The following CAND1 variants were observed in gnomAD, a reference collection of about 807,000 sequenced individuals.
CAND1 encodes the protein cullin associated and neddylation dissociated 1, also known as cullin-associated NEDD8-dissociated protein 1.
Under a neutral mutation model 108.5 loss-of-function variants are expected in CAND1, and 7 were observed. The ratio of observed to expected loss-of-function variants is 0.06; its 90% CI spans 0.04 to 0.12. CAND1 has a LOEUF of 0.12. Ranked by LOEUF, CAND1 falls within the 10% of genes least tolerant of loss-of-function variation. The pLI, the probability that CAND1 is intolerant of heterozygous loss-of-function variation, is 1.00. For missense variants in CAND1, 941 were observed against 1,448.7 expected, an observed-to-expected ratio of 0.65 and a Z score of 5.69; for synonymous variants, 534 against 512.0, an observed-to-expected ratio of 1.04 and a Z score of -0.58.
chr12:67,313,928 C>T lies in CAND1; in HGVS notation c.*1098C>T, dbSNP rs931033265. 3 of 152,502 alleles carry T rather than the reference C, an allele frequency of 2.0e-5. No homozygotes were observed. Among genetic ancestry groups the T allele is most frequent in the Non-Finnish European group, 4.4e-5 (3 of 68,008 alleles). 9.4% of individuals were successfully genotyped at this position (152,502 alleles called of 1,614,324 possible). Reference sequence around the variant, plus strand: ...AGGTTTTTCCCCATCTCCTGTAGAGCGAATTTACATATTGTATTGGGTAAG... The same window carrying T: ...AGGTTTTTCCCCATCTCCTGTAGAGTGAATTTACATATTGTATTGGGTAAG... On this transcript the variant is annotated 3_prime_UTR_variant, in exon 15 of 15. Coordinates refer to ENST00000545606, the MANE Select transcript of CAND1 (RefSeq NM_018448.5).
rs1383800514 is a variant in CAND1 at position 67,302,477 on chromosome 12, G to A, written c.1155G>A (p.Glu385=). The change falls in exon 8 of 15, where the codon GAG becomes GAA. Residue 385 remains glutamate, a synonymous_variant. Transcript: ENST00000545606. ...VSPALISRFK[E]REENVKADVF... ...CTGCACTAATATCCAGATTTAAAGA[G>A]CGTGAAGAGAATGTAAAGGCAGATG... 1 of 1,614,124 alleles carries A rather than the reference G, an allele frequency of 6.2e-7. No homozygotes were observed. The highest frequency in any genetic ancestry group is 8.5e-7 in the Non-Finnish European group (1 of 1,179,994).
At chr12:67,269,886 G>A in intron 1 of CAND1, 101 bp downstream of exon 1, 1 of 973,318 alleles carries the variant, frequency 1.0e-6, no homozygotes, top group Non-Finnish European at 1.5e-6. Flanking sequence ...GTAGCCGGTA[G>A]CTTCTCTGCC....
chr12:67,284,655 C>T (rs2044651257), intron 2 of CAND1, among the ~76,000 whole-genome samples: 1 of 117,104 alleles, frequency 8.5e-6, no homozygotes, highest in South Asian at 2.9e-4. Context: ...CCAGGTAAAA[C>T]ATGTAACAAC....
At chr12:67,277,645 G>C (rs1333775137) in intron 1 of CAND1, among the ~76,000 whole-genome samples, 1 of 152,198 alleles carries the variant, frequency 6.6e-6, no homozygotes, top group East Asian at 1.9e-4. Flanking sequence ...TGCCACCACA[G>C]CTGGGAATGT....
Position 67,310,257 on chromosome 12 carries a change from G to C in CAND1, c.3301G>C (p.Asp1101His). 1 of 1,611,332 alleles carries C rather than the reference G, an allele frequency of 6.2e-7. No individual in the cohort carries two copies. The highest frequency in any genetic ancestry group is 8.5e-7 in the Non-Finnish European group (1 of 1,177,854). ...TCTAGACAGTTGTCTTGATAGACTT[G>C]ATATCTTTGAATTTCTAAATCATGT... ...TLLDSCLDRLDIFEFLNHVED... is the reference protein window; with the variant it reads ...TLLDSCLDRLHIFEFLNHVED... Residue 1101 changes from aspartate (D) to histidine (H), a missense_variant, in exon 13 of 15, where the codon GAT (aspartate) becomes CAT (histidine). Physicochemically the swap from Asp to His is moderately conservative, Grantham distance 81 (BLOSUM62 -1). Coordinates refer to ENST00000545606, the MANE Select transcript of CAND1 (RefSeq NM_018448.5).
chr12:67,297,279 C>G (rs1284901288), intron 4 of CAND1, 128 bp from the exon 5 acceptor site: 18 of 870,492 alleles, frequency 2.1e-5, no homozygotes, highest in Non-Finnish European at 3.2e-5. Flanking sequence ...TTTTCTTTCA[C>G]TATGAATTAG....
intron 10 of CAND1, among the ~76,000 whole-genome samples, chr12:67,306,990 C>T (rs1419624372): frequency 2.0e-5 from 3 of 152,034 alleles, no homozygotes; most frequent in Non-Finnish European, 4.4e-5. Flanking sequence ...TTCAGATTTA[C>T]CAGTGTCATC....
At position 67,269,650 on chromosome 12, in the gene CAND1, GGCGGCGGCGGCA is replaced by G; in HGVS notation, c.-62_-51del. On this transcript the variant is annotated 5_prime_UTR_variant, in exon 1 of 15. Transcript: ENST00000545606. ...CGAGAGGAGGAGCTCCAGTGGCGGCGGCGGCGGCGGCAGCGGCAGCGGGCAGCAGCTCCAGCA... is the reference window on the plus strand; with the variant it reads ...CGAGAGGAGGAGCTCCAGTGGCGGCGGCGGCAGCGGGCAGCAGCTCCAGCA... The G allele has an allele frequency of 7.1e-7, 1 of 1,400,890 alleles. No individual in the cohort carries two copies. Among genetic ancestry groups the G allele is most frequent in the Non-Finnish European group, 9.9e-7 (1 of 1,008,148 alleles). The allele number at this position is 1,400,890 out of a possible 1,614,324, so 86.8% of individuals were successfully genotyped here. A position where few individuals can be genotyped will look rare whatever the true frequency, so the allele number is the denominator to read the frequency against.
intron 1 of CAND1, among the ~76,000 whole-genome samples, chr12:67,281,569 T>C (rs1347297918): frequency 1.3e-5 from 2 of 152,124 alleles, no homozygotes; most frequent in African/African-American, 4.8e-5. Flanking sequence ...TGCAATTAAT[T>C]AGAATGAAAG....
Position 67,281,785 on chromosome 12 carries a change from G to C in CAND1, c.69-125G>C. ...TTATGATCACTTTTTTTAAAAAGTGGATGAGTTTTATAATAAAAGATGTTT... is the reference window on the plus strand; with the variant it reads ...TTATGATCACTTTTTTTAAAAAGTGCATGAGTTTTATAATAAAAGATGTTT... On this transcript the variant is annotated intron_variant, in intron 1 of 14. Transcript: ENST00000545606. 8.4e-6 allele frequency: 5 copies of C among 592,102 alleles called. No homozygotes were observed. In the South Asian group the frequency reaches 1.3e-4, roughly 16 times the overall value. 36.7% of individuals were successfully genotyped at this position (592,102 alleles called of 1,614,324 possible). A position where few individuals can be genotyped will look rare whatever the true frequency, so the allele number is the denominator to read the frequency against.
intron 2 of CAND1, among the ~76,000 whole-genome samples, chr12:67,287,914 T>C (rs574214391): frequency 6.6e-6 from 1 of 151,164 alleles, no homozygotes; most frequent in Non-Finnish European, 1.5e-5. Context: ...TTCCAAATAT[T>C]TGGAGGTTAT....
At chr12:67,272,498 A>G (rs2044529629) in intron 1 of CAND1, among the ~76,000 whole-genome samples, 1 of 152,226 alleles carries the variant, frequency 6.6e-6, no homozygotes, top group African/African-American at 2.4e-5. Flanking sequence ...AAATTTCTGC[A>G]TTTTAAAAGA....
intron 7 of CAND1, among the ~76,000 whole-genome samples, chr12:67,301,129 T>C (rs2044821210): frequency 6.6e-6 from 1 of 152,166 alleles, no homozygotes; most frequent in African/African-American, 2.4e-5. Context: ...AACTTGATAG[T>C]GTATTTTGGC....
chr12:67,302,605 T>A lies in CAND1; in HGVS notation c.1283T>A (p.Leu428His). The A allele has an allele frequency of 6.2e-7, 1 of 1,607,004 alleles. No individual in the cohort carries two copies. Among genetic ancestry groups the A allele is most frequent in the Non-Finnish European group, 8.5e-7 (1 of 1,174,072 alleles). The stretch of plus-strand genomic sequence containing the variant: ...CAGGGAGAAACACCTTTAACAATGC[T>A]TCAGAGTCAGGTGGGTTTTAAAGTA... ...MEQGETPLTMLQSQVPNIVKA... is the reference protein window; with the variant it reads ...MEQGETPLTMHQSQVPNIVKA... Residue 428 changes from leucine to histidine, a missense_variant, in exon 8 of 15, where the codon CTT becomes CAT. Leu to His is a moderately conservative substitution (Grantham distance 99, BLOSUM62 -3). Coordinates refer to ENST00000545606, the MANE Select transcript of CAND1 (RefSeq NM_018448.5).
intron 6 of CAND1, among the ~76,000 whole-genome samples, chr12:67,298,576 C>G (rs1410072631): frequency 6.6e-6 from 1 of 152,106 alleles, no homozygotes; most frequent in African/African-American, 2.4e-5. Context: ...GGTAGAAGAC[C>G]AAGCCTAGGT....
At chr12:67,290,984 A>T (rs1592612273) in intron 2 of CAND1, among the ~76,000 whole-genome samples, 1 of 152,206 alleles carries the variant, frequency 6.6e-6, no homozygotes, top group South Asian at 2.1e-4. Context: ...GTGCCTGATG[A>T]TCTGAGGTCG....
At position 67,318,739 on chromosome 12, in the gene CAND1, C is replaced by G. The variant is rs533505803; in HGVS notation, c.*5909C>G. 9 of 152,262 alleles carry G rather than the reference C, an allele frequency of 5.9e-5. No homozygotes were observed. The East Asian group carries it at 1.7e-3, about 29-fold the overall frequency. 9.4% of individuals were successfully genotyped at this position (152,262 alleles called of 1,614,324 possible). ...GCCAGGGCTACAAAAGCTGTTGAGA[C>G]TGTACTTGATATGAAGAAGCTTGCT... On this transcript the variant is annotated 3_prime_UTR_variant, in exon 15 of 15. Coordinates refer to ENST00000545606, the MANE Select transcript of CAND1 (RefSeq NM_018448.5).
intron 1 of CAND1, among the ~76,000 whole-genome samples, chr12:67,277,225 A>G (rs753842806): frequency 3.3e-5 from 5 of 152,204 alleles, no homozygotes; most frequent in Non-Finnish European, 5.9e-5. Context: ...TAACATTATC[A>G]CAAACACTGA....
intron 10 of CAND1, among the ~76,000 whole-genome samples, 186 bp downstream of exon 10, chr12:67,306,783 A>T (rs527910034): frequency 4.6e-5 from 7 of 152,284 alleles, no homozygotes; most frequent in Admixed American, 3.9e-4. Context: ...GTTTTAAAGG[A>T]TAGTGTGGTA....
Sources: gnomAD v4.1 joint callset for allele counts (sites outside exome capture counted in the v4.1 genomes callset) on GRCh38, gnomAD v4.1.1 for gene constraint, MANE v1.5 for transcripts, NCBI Gene and HGNC (gene_info 2026-07-23, HGNC 2026-07-21) for gene names.